The following CEACAM3 variants were observed in gnomAD, a reference collection of about 807,000 sequenced individuals.
CEACAM3 encodes cell adhesion molecule CEACAM3.
In CEACAM3, 32 loss-of-function variants were observed where a neutral mutation model predicts 30.1. That is an observed-to-expected ratio of 1.06 (90% confidence interval 0.80 to 1.43). The LOEUF is 1.43. Among genes scored for constraint, CEACAM3 ranks in the 40% most tolerant of loss-of-function variants. CEACAM3 has a pLI of 0.00. For synonymous variants in CEACAM3, 134 were observed against 127.2 expected (o/e 1.05, Z -0.36); for missense variants, 290 against 316.3 (o/e 0.92, Z 0.63).
intron 2 of CEACAM3, among the ~76,000 whole-genome samples, chr19:41,803,670 G>A (rs2073174105): frequency 9.1e-6 from 1 of 110,398 alleles, no homozygotes; most frequent in Non-Finnish European, 2.1e-5. Context: ...GTTTCACCGT[G>A]TTATCCAGGA....
intron 2 of CEACAM3, 87 bp downstream of exon 2, chr19:41,798,035 C>T: frequency 6.5e-7 from 1 of 1,531,532 alleles, no homozygotes; most frequent in Non-Finnish European, 8.8e-7. Flanking sequence ...GTGCCTGTGG[C>T]CCTCTCTGCA....
At chr19:41,807,566 C>A in intron 2 of CEACAM3, 1 of 1,276,248 alleles carries the variant, frequency 7.8e-7, no homozygotes, top group Non-Finnish European at 1.0e-6. Context: ...AGGGGAGAGG[C>A]TGCTCCTGTC....
In CEACAM3 at chr19:41,810,841, C is replaced by T. The variant is rs1555827510; in HGVS notation, c.637C>T (p.Leu213Phe). The T allele has an allele frequency of 6.2e-7, 1 of 1,613,068 alleles. No individual in the cohort carries two copies. ...SHSSAFSMSP[L>F]STAQAPLPNP... ...CCCTCCCTGTCCACAGATGTCCCCT[C>T]TCTCCACTGCCCAGGCCCCCCTACC... The change falls in exon 6 of 7, where the codon CTC becomes TTC. Residue 213 changes from leucine to phenylalanine, a missense_variant. Leu to Phe is a conservative substitution (Grantham distance 22). Transcript: ENST00000357396.
intron 6 of CEACAM3, 25 bp downstream of exon 6, chr19:41,810,922 G>T (rs782153125): frequency 5.6e-6 from 9 of 1,603,768 alleles, no homozygotes; most frequent in South Asian, 1.1e-5. Context: ...CGGATGTTCT[G>T]GTCCCACAGG....
At chr19:41,805,445 C>T (rs1460208892) in intron 2 of CEACAM3, among the ~76,000 whole-genome samples, 8 of 152,044 alleles carry the variant, frequency 5.3e-5, no homozygotes, top group Non-Finnish European at 1.2e-4. Context: ...TGTGCCACCA[C>T]ACCTGGCTAA....
intron 2 of CEACAM3, among the ~76,000 whole-genome samples, chr19:41,805,285 C>CTTTTTTTTTTT (rs782317671): frequency 8.6e-5 from 9 of 105,050 alleles, no homozygotes; most frequent in African/African-American, 2.5e-4. Flanking sequence ...CTTTTTTCTT[C>CTTTTTTTTTTT]TTTTTTTTTT....
intron 3 of CEACAM3, chr19:41,809,330 G>A (rs1432140052): frequency 1.1e-5 from 2 of 182,606 alleles, no homozygotes; most frequent in Non-Finnish European, 2.3e-5. Flanking sequence ...CGGATCCTGG[G>A]CACCGTCACA....
intron 2 of CEACAM3, 21 bp from the exon 3 acceptor site, chr19:41,808,792 T>A: frequency 1.9e-6 from 3 of 1,601,978 alleles, no homozygotes; most frequent in Non-Finnish European, 2.6e-6. Flanking sequence ...CTCTATCCCC[T>A]TTGCCTTCTT....
chr19:41,810,840 T>G lies in CEACAM3; in HGVS notation c.636T>G (p.Pro212=). Residue 212 remains proline (P), a synonymous_variant, in exon 6 of 7, where the codon CCT becomes CCG. Coordinates refer to ENST00000357396, the MANE Select transcript of CEACAM3 (RefSeq NM_001815.5). ...PSHSSAFSMS[P]LSTAQAPLPN... is the part of the protein sequence containing the mutation. ...TCCCTCCCTGTCCACAGATGTCCCCTCTCTCCACTGCCCAGGCCCCCCTAC... is the reference window on the plus strand; with the variant it reads ...TCCCTCCCTGTCCACAGATGTCCCCGCTCTCCACTGCCCAGGCCCCCCTAC... The G allele has an allele frequency of 6.2e-7, 1 of 1,612,724 alleles. No individual in the cohort carries two copies.
At chr19:41,809,763 C>T in intron 3 of CEACAM3, 1 of 565,504 alleles carries the variant, frequency 1.8e-6, no homozygotes, top group East Asian at 2.9e-5. Context: ...GAGGGTCCTT[C>T]CCCTCTGCTC....
chr19:41,800,221 G>A (rs1223409664), intron 2 of CEACAM3, among the ~76,000 whole-genome samples: 1 of 152,176 alleles, frequency 6.6e-6, no homozygotes, highest in Non-Finnish European at 1.5e-5. Flanking sequence ...AGGAGCTGGG[G>A]AGACATAGTG....
chr19:41,796,763 G>A (rs782024233), intron 1 of CEACAM3, 22 bp downstream of exon 1: 2 of 1,605,848 alleles, frequency 1.2e-6, no homozygotes, highest in South Asian at 2.2e-5. Flanking sequence ...ATTCCTGGGA[G>A]TGGGCAAGAG....
chr19:41,797,460 C>A (rs2073110545), intron 1 of CEACAM3, 129 bp from the exon 2 acceptor site: 11 of 1,270,448 alleles, frequency 8.7e-6, no homozygotes, highest in South Asian at 1.5e-5. Context: ...CGTTACTGAC[C>A]TTGACCAAGT....
At chr19:41,810,976 T>C in intron 6 of CEACAM3, 79 bp downstream of exon 6, 3 of 1,420,590 alleles carry the variant, frequency 2.1e-6, no homozygotes, top group Non-Finnish European at 2.9e-6. Context: ...TCGGCTGAGC[T>C]CTGAGATTCA....
rs1555826199 is a variant in CEACAM3, at chr19:41,803,072, A to T, written c.424+5124A>T. The stretch of plus-strand genomic sequence containing the variant: ...CAAGACAGACTAAGGCAAAAACAAA[A>T]AAAAATGCAATTTGAAACTCAGAAC... On this transcript the variant is annotated intron_variant, in intron 2 of 6. Transcript: ENST00000357396. 8.1e-4 allele frequency among the ~76,000 whole-genome samples: 124 copies of T among 152,324 alleles called. 2 individuals carry two copies. The highest frequency in any genetic ancestry group is 2.9e-3 in the African/African-American group (119 of 41,554).
At position 41,799,174 on chromosome 19, in the gene CEACAM3, A is replaced by C. The variant is rs537688934; in HGVS notation, c.424+1226A>C. ...ATCTCATGTTGAAATGTGATCCCCA[A>C]CATTGGAGGTGAGGCCTGGTGGGAG... On this transcript the variant is annotated intron_variant, in intron 2 of 6. Coordinates refer to ENST00000357396, the MANE Select transcript of CEACAM3 (RefSeq NM_001815.5). 3.3e-5 allele frequency among the ~76,000 whole-genome samples: 5 copies of C among 152,290 alleles called. No individual in the cohort carries two copies. The South Asian group carries it at 1.0e-3, about 32-fold the overall frequency.
chr19:41,799,548 T>C (rs1555825747), intron 2 of CEACAM3, among the ~76,000 whole-genome samples: 1 of 152,186 alleles, frequency 6.6e-6, no homozygotes, highest in African/African-American at 2.4e-5. Flanking sequence ...TAGCCTAACC[T>C]AGAACTAAAT....
At chr19:41,807,084 G>A (rs1555826868) in intron 2 of CEACAM3, 3 of 1,609,120 alleles carry the variant, frequency 1.9e-6, no homozygotes, top group Non-Finnish European at 2.5e-6. Flanking sequence ...GCCACACAGG[G>A]CAATCTTCTC....
chr19:41,806,797 C>T (rs1555826815), intron 2 of CEACAM3, among the ~76,000 whole-genome samples: 1 of 152,166 alleles, frequency 6.6e-6, no homozygotes, highest in Non-Finnish European at 1.5e-5. Context: ...CACCATTCTC[C>T]TGCCTCAGCC....
Sources: allele counts gnomAD v4.1 joint callset (sites outside exome capture counted in the v4.1 genomes callset), GRCh38; gene constraint gnomAD v4.1.1; transcripts MANE v1.5; gene names NCBI Gene and HGNC (gene_info 2026-07-23, HGNC 2026-07-21).